Variants in SLC1A3 observed in about 807,000 individuals in gnomAD.
SLC1A3 encodes the protein excitatory amino acid transporter 1.
In SLC1A3, 21 loss-of-function variants were observed where a neutral mutation model predicts 48.1. That is an observed-to-expected ratio of 0.44 (90% CI 0.31 to 0.63). SLC1A3 has a LOEUF of 0.63. Among genes scored for constraint, SLC1A3 ranks in the 20% least tolerant of loss-of-function variants. SLC1A3 has a pLI of 0.08. For synonymous variants in SLC1A3, 239 were observed against 251.4 expected (o/e 0.95, Z 0.47); for missense variants, 546 against 689.0 (o/e 0.79, Z 2.32).
At chr5:36,664,024 C>T (rs1035474872) in intron 3 of SLC1A3, among the ~76,000 whole-genome samples, 1 of 152,182 alleles carries the variant, frequency 6.6e-6, no homozygotes, top group Non-Finnish European at 1.5e-5. Flanking sequence ...TCTGTGGTCT[C>T]CACTAGTGAG....
At chr5:36,656,584 T>C (rs1472144648) in intron 3 of SLC1A3, among the ~76,000 whole-genome samples, 2 of 152,250 alleles carry the variant, frequency 1.3e-5, no homozygotes, top group Non-Finnish European at 2.9e-5. Flanking sequence ...CTGACTTGTC[T>C]AGCAACAAAA....
chr5:36,687,881 G>A lies in SLC1A3; in HGVS notation c.*1612G>A, dbSNP rs938289598. ...GACGCTGAGTGGGAGCTGTCAGGCA[G>A]TAGCAGCTGTGTTTGAGTTTCTGGC... On this transcript the variant is annotated 3_prime_UTR_variant, in exon 10 of 10. Coordinates refer to ENST00000265113, the MANE Select transcript of SLC1A3 (RefSeq NM_004172.5). The A allele has an allele frequency of 3.9e-5, 6 of 152,628 alleles. No individual in the cohort carries two copies. Among genetic ancestry groups the A allele is most frequent in the Non-Finnish European group, 7.3e-5 (5 of 68,040 alleles). 9.5% of individuals were successfully genotyped at this position (152,628 alleles called of 1,614,324 possible). A position where few individuals can be genotyped will look rare whatever the true frequency, so the allele number is the denominator to read the frequency against.
upstream of SLC1A3, among the ~76,000 whole-genome samples, chr5:36,603,300 C>T (rs1039311947): frequency 9.2e-5 from 14 of 152,350 alleles, no homozygotes; most frequent in South Asian, 1.4e-3. Context: ...TGCTACCAGT[C>T]TTTTTGACAT....
chr5:36,669,863 T>TA, intron 3 of SLC1A3: 1 of 152,060 alleles, frequency 6.6e-6, no homozygotes, highest in Non-Finnish European at 1.5e-5. Context: ...ACAGGGCCAC[T>TA]ACCTGAATAT....
chr5:36,635,818 C>T (rs1740320159), intron 3 of SLC1A3, among the ~76,000 whole-genome samples: 1 of 152,028 alleles, frequency 6.6e-6, no homozygotes, highest in African/African-American at 2.4e-5. Context: ...CACTTCATGG[C>T]GGCCTGGAAA....
intron 5 of SLC1A3, among the ~76,000 whole-genome samples, chr5:36,676,648 A>ATG (rs3051481): frequency 0.033 from 4,877 of 150,012 alleles, 275 homozygotes; most frequent in African/African-American, 0.11. Flanking sequence ...GAGTGTGTGT[A>ATG]TGTGTGTGTG....
At chr5:36,631,336 C>T (rs1269005710) in intron 3 of SLC1A3, among the ~76,000 whole-genome samples, 1 of 152,132 alleles carries the variant, frequency 6.6e-6, no homozygotes, top group Non-Finnish European at 1.5e-5. Flanking sequence ...TGATCACCAC[C>T]TTGAAGTGGA....
At chr5:36,683,801 C>G (rs56039629) in intron 8 of SLC1A3, 63 bp from the exon 9 acceptor site, 292 of 1,588,604 alleles carry the variant, frequency 1.8e-4, no homozygotes, top group Non-Finnish European at 2.3e-4. Context: ...TATTTTGCAG[C>G]GTATATGCTC....
intron 4 of SLC1A3, among the ~76,000 whole-genome samples, chr5:36,672,760 TG>T (rs1742049733): frequency 6.6e-6 from 1 of 152,210 alleles, no homozygotes; most frequent in East Asian, 1.9e-4. Flanking sequence ...TTAATCACAA[TG>T]ATCTGCAGGT....
intron 6 of SLC1A3, among the ~76,000 whole-genome samples, chr5:36,678,574 G>A (rs189313137): frequency 1.3e-5 from 2 of 152,234 alleles, no homozygotes; most frequent in East Asian, 1.9e-4. Context: ...TGTATTTTTC[G>A]ATTTGAAACA....
chr5:36,636,974 C>T (rs1247242563), intron 3 of SLC1A3, among the ~76,000 whole-genome samples: 1 of 152,158 alleles, frequency 6.6e-6, no homozygotes, highest in African/African-American at 2.4e-5. Context: ...CCTATTGGTC[C>T]TAATTGTGTT....
At chr5:36,612,736 C>T (rs1739260009) in intron 2 of SLC1A3, 2 of 454,670 alleles carry the variant, frequency 4.4e-6, no homozygotes, top group Non-Finnish European at 8.8e-6. Flanking sequence ...TTATTACTCT[C>T]ATTGTACAGA....
intron 3 of SLC1A3, among the ~76,000 whole-genome samples, chr5:36,642,698 G>A (rs1394960744): frequency 1.3e-5 from 2 of 152,024 alleles, no homozygotes; most frequent in Admixed American, 6.6e-5. Flanking sequence ...GCCTGCATTC[G>A]TTGGCCATCA....
At chr5:36,618,207 A>T (rs987831097) in intron 2 of SLC1A3, among the ~76,000 whole-genome samples, 5 of 152,198 alleles carry the variant, frequency 3.3e-5, no homozygotes, top group African/African-American at 1.2e-4. Context: ...CAAAGCTTTA[A>T]TTTGTATGTT....
At chr5:36,677,323 G>A (rs974163761) in intron 6 of SLC1A3, 139 bp downstream of exon 6, 1 of 704,964 alleles carries the variant, frequency 1.4e-6, no homozygotes, top group Non-Finnish European at 2.4e-6. Context: ...GAAAATCAAT[G>A]AATCTCTGGG....
At chr5:36,611,560 A>T (rs1739197722) in intron 2 of SLC1A3, among the ~76,000 whole-genome samples, 1 of 152,210 alleles carries the variant, frequency 6.6e-6, no homozygotes, top group African/African-American at 2.4e-5. Context: ...AGCAATGTCA[A>T]AGTCTGAATG....
intron 3 of SLC1A3, among the ~76,000 whole-genome samples, chr5:36,645,075 G>A (rs1265371519): frequency 6.6e-6 from 1 of 152,182 alleles, no homozygotes; most frequent in African/African-American, 2.4e-5. Flanking sequence ...TGAAAGTTCT[G>A]TGTAGGTCTT....
rs370558104 is a variant in SLC1A3 at position 36,629,410 on chromosome 5, A to T, written c.182-40A>T. On this transcript the variant is annotated intron_variant, in intron 2 of 9. Coordinates refer to ENST00000265113, the MANE Select transcript of SLC1A3 (RefSeq NM_004172.5). Reference sequence around the variant, plus strand: ...GGCTGTTCCTTCTGTTTCAAAAAAGACTCAATTTTTCTTTTTCTTTTTTTT... The same window carrying T: ...GGCTGTTCCTTCTGTTTCAAAAAAGTCTCAATTTTTCTTTTTCTTTTTTTT... The T allele has an allele frequency of 5.5e-5, 87 of 1,576,978 alleles. No homozygotes were observed. The African/African-American group carries it at 1.1e-3, about 20-fold the overall frequency.
chr5:36,601,266 G>GCC (rs1471320750), intron 1 of SLC1A3, among the ~76,000 whole-genome samples: 1 of 134,442 alleles, frequency 7.4e-6, no homozygotes, highest in African/African-American at 3.5e-5. Context: ...AGCTTCCTTT[G>GCC]GTACTGTATT....
Sources: allele counts gnomAD v4.1 joint callset (sites outside exome capture counted in the v4.1 genomes callset), GRCh38; gene constraint gnomAD v4.1.1; transcripts MANE v1.5; gene names NCBI Gene and HGNC (gene_info 2026-07-23, HGNC 2026-07-21).